RHOQ: variants seen among roughly 807,000 people sequenced by gnomAD.
RHOQ encodes the protein ras homolog family member Q.
Under a neutral mutation model 25.8 loss-of-function variants are expected in RHOQ, and 7 were observed. The observed-to-expected ratio is 0.27, with a 90% confidence interval of 0.15 to 0.51. The LOEUF is 0.51. Ranked by LOEUF, RHOQ falls within the 20% of genes least tolerant of loss-of-function variation. The probability of loss-of-function intolerance (pLI) is 0.97; values close to 1 mark genes in which losing one functional copy is unlikely to be tolerated. For synonymous variants in RHOQ, 97 were observed against 98.6 expected (o/e 0.98, Z 0.10); for missense variants, 165 against 260.6 (o/e 0.63, Z 2.53).
chr2:46,572,117 T>TG (rs2104021393), intron 2 of RHOQ, among the ~76,000 whole-genome samples: 2 of 135,764 alleles, frequency 1.5e-5, no homozygotes, highest in South Asian at 2.5e-4. Context: ...GTTTTTTTTT[T>TG]TTTTTTTTTT....
chr2:46,578,210 T>G (rs1669203533), intron 4 of RHOQ, among the ~76,000 whole-genome samples: 1 of 152,146 alleles, frequency 6.6e-6, no homozygotes, highest in Non-Finnish European at 1.5e-5. Context: ...AATGAGAAAT[T>G]AATTATAATA....
intron 2 of RHOQ, among the ~76,000 whole-genome samples, chr2:46,545,387 A>C (rs1668012917): frequency 6.6e-6 from 1 of 152,142 alleles, no homozygotes; most frequent in Admixed American, 6.5e-5. Context: ...ACTTGTGACC[A>C]TGATAATTTT....
chr2:46,554,443 G>T (rs1306510055), intron 2 of RHOQ, among the ~76,000 whole-genome samples: 1 of 152,162 alleles, frequency 6.6e-6, no homozygotes, highest in Non-Finnish European at 1.5e-5. Context: ...TTTCTCTCCC[G>T]CATATTAAGG....
intron 2 of RHOQ, chr2:46,568,898 A>T (rs1316735385): frequency 6.6e-6 from 1 of 152,258 alleles, no homozygotes; most frequent in Non-Finnish European, 1.5e-5. Context: ...TTCTATCAAC[A>T]TGAAATTTGT....
At chr2:46,544,599 T>C (rs567002078) in intron 2 of RHOQ, among the ~76,000 whole-genome samples, 1 of 152,358 alleles carries the variant, frequency 6.6e-6, no homozygotes, top group Non-Finnish European at 1.5e-5. Flanking sequence ...GGCCAAGGTC[T>C]TCTCTCTGTC....
At chr2:46,563,285 G>A (rs958202312) in intron 2 of RHOQ, among the ~76,000 whole-genome samples, 9 of 152,194 alleles carry the variant, frequency 5.9e-5, no homozygotes, top group African/African-American at 1.9e-4. Context: ...GACAGGTGGT[G>A]AGCTTCTTTG....
intron 4 of RHOQ, among the ~76,000 whole-genome samples, chr2:46,579,235 T>C (rs1445873106): frequency 2.6e-5 from 4 of 152,222 alleles, no homozygotes; most frequent in African/African-American, 4.8e-5. Context: ...TCCCCTCTCA[T>C]TGGACTCTGC....
rs1668414334 is a variant in RHOQ, at chr2:46,556,482, T to C, written c.201+12670T>C. Among the ~76,000 whole-genome samples the C allele has an allele frequency of 9.2e-6, 1 of 109,108 alleles. No homozygotes were observed. The highest frequency in any genetic ancestry group is 2.0e-5 in the Non-Finnish European group (1 of 50,548). 71.6% of individuals were successfully genotyped at this position (109,108 alleles called of 152,430 possible). A position where few individuals can be genotyped will look rare whatever the true frequency, so the allele number is the denominator to read the frequency against. On this transcript the variant is annotated intron_variant, in intron 2 of 4. Coordinates refer to ENST00000238738, the MANE Select transcript of RHOQ (RefSeq NM_012249.4). This position sits in a 1 kb window ranked among gnomAD's most constrained non-coding sequence, Gnocchi z 4.9. ...TGATATTCTTTTTCTTAAAAAATTT[T>C]TTTAATTTTTTTTTTTTTGTTCCTT...
Position 46,569,024 on chromosome 2 carries a change from G to A in RHOQ, c.202-7063G>A, listed in dbSNP as rs554354211. Reference sequence around the variant, plus strand: ...TTAGTGCAAGAGACTTGTAATTATAGCTCCAGACAATATGGAATTTCAGCT... The same window carrying A: ...TTAGTGCAAGAGACTTGTAATTATAACTCCAGACAATATGGAATTTCAGCT... On this transcript the variant is annotated intron_variant, in intron 2 of 4. Transcript: ENST00000238738. The surrounding 1 kb of genome is among the most constrained non-coding windows in gnomAD (Gnocchi z 4.1). 3.3e-5 allele frequency: 5 copies of A among 152,332 alleles called. No homozygotes were observed. Among genetic ancestry groups the A allele is most frequent in the Admixed American group, 2.0e-4 (3 of 15,302 alleles). The allele number at this position is 152,332 out of a possible 1,614,324, so 9.4% of individuals were successfully genotyped here.
At chr2:46,562,775 T>G (rs1464975916) in intron 2 of RHOQ, among the ~76,000 whole-genome samples, 1 of 152,206 alleles carries the variant, frequency 6.6e-6, no homozygotes, top group Non-Finnish European at 1.5e-5. Flanking sequence ...TCTCAGTATT[T>G]TAATAAAATA....
In RHOQ at chr2:46,581,608, T is replaced by A; in HGVS notation, c.*525T>A. The stretch of plus-strand genomic sequence containing the variant: ...GGGCCATACCTGAGGAGAGAATGTA[T>A]GAGATCAAAAAAGAACAAATGTTTT... On this transcript the variant is annotated 3_prime_UTR_variant, in exon 5 of 5. Transcript: ENST00000238738. 1.2e-6 allele frequency: 2 copies of A among 1,607,870 alleles called. No individual in the cohort carries two copies. The highest frequency in any genetic ancestry group is 1.7e-6 in the Non-Finnish European group (2 of 1,177,638).
At chr2:46,571,613 C>A (rs1296450155) in intron 2 of RHOQ, among the ~76,000 whole-genome samples, 1 of 152,168 alleles carries the variant, frequency 6.6e-6, no homozygotes, top group East Asian at 1.9e-4. Context: ...TCACTTGCTC[C>A]AGCTTACACT....
At position 46,558,411 on chromosome 2, in the gene RHOQ, G is replaced by A. The variant is rs113676843; in HGVS notation, c.201+14599G>A. On this transcript the variant is annotated intron_variant, in intron 2 of 4. Transcript: ENST00000238738. ...GAAAATGTTTTTATTCCTTCATACC[G>A]GACTGATACTTTGAAAATAGATTAT... Among the ~76,000 whole-genome samples, 184 of 152,270 alleles carry A rather than the reference G, an allele frequency of 1.2e-3. 1 individual carries two copies. The highest frequency in any genetic ancestry group is 4.0e-3 in the African/African-American group (167 of 41,542).
chr2:46,553,617 A>G (rs186520586), intron 2 of RHOQ, among the ~76,000 whole-genome samples: 2 of 150,910 alleles, frequency 1.3e-5, no homozygotes, highest in Admixed American at 6.6e-5. Flanking sequence ...GTCTCGCTCT[A>G]TCGCCCAGGC....
chr2:46,546,493 TATATATATATATATATATGTATATAC>T (rs1558680523), intron 2 of RHOQ, among the ~76,000 whole-genome samples: 2,219 of 23,254 alleles, frequency 0.095, 286 homozygotes, highest in South Asian at 0.17. Flanking sequence ...TATATATATA[TATATATATATATATATATGTATATAC>T]ATATATATAT....
At chr2:46,577,396 CTTTT>C (rs745605616) in intron 4 of RHOQ, among the ~76,000 whole-genome samples, 1 of 110,152 alleles carries the variant, frequency 9.1e-6, no homozygotes, top group Non-Finnish European at 1.8e-5. Flanking sequence ...CATATATGGT[CTTTT>C]TTTTTTTTTT....
rs1022525969 is a variant in RHOQ at position 46,576,692 on chromosome 2, A to G, written c.462+36A>G. ...ACTCACAGAATTTAAGCATGAATGT[A>G]AAAGATGCTAAGATAACAATAGAAG... On this transcript the variant is annotated intron_variant, in intron 4 of 4. Transcript: ENST00000238738. This position sits in a 1 kb window ranked among gnomAD's most constrained non-coding sequence, Gnocchi z 5.1. 8.9e-6 allele frequency: 12 copies of G among 1,351,786 alleles called. No individual in the cohort carries two copies. In the African/African-American group the frequency reaches 1.5e-4, roughly 16 times the overall value. 83.7% of individuals were successfully genotyped at this position (1,351,786 alleles called of 1,614,324 possible). A position where few individuals can be genotyped will look rare whatever the true frequency, so the allele number is the denominator to read the frequency against.
intron 2 of RHOQ, among the ~76,000 whole-genome samples, chr2:46,561,373 A>G (rs1244962144): frequency 6.6e-6 from 1 of 152,062 alleles, no homozygotes; most frequent in African/African-American, 2.4e-5. Flanking sequence ...AAAAGAGCAC[A>G]GAAAGAGTCA....
rs2103995680 is a variant in RHOQ, at chr2:46,556,297, T to C, written c.201+12485T>C. ...CTTTCCATTTTATTCCTGCCCCCGC[T>C]CTTTTTCAGTTGTTCTTCCATGGCC... is the stretch of plus-strand genomic sequence containing the variant. On this transcript the variant is annotated intron_variant, in intron 2 of 4. Transcript: ENST00000238738. This position sits in a 1 kb window ranked among gnomAD's most constrained non-coding sequence, Gnocchi z 4.9. Among the ~76,000 whole-genome samples, 1 of 152,276 alleles carries C rather than the reference T, an allele frequency of 6.6e-6. No homozygotes were observed. Among genetic ancestry groups the C allele is most frequent in the Non-Finnish European group, 1.5e-5 (1 of 68,024 alleles).
Sources: allele counts gnomAD v4.1 joint callset (sites outside exome capture counted in the v4.1 genomes callset), GRCh38; gene constraint gnomAD v4.1.1; non-coding constraint Gnocchi (gnomAD v3.1); transcripts MANE v1.5; gene names NCBI Gene and HGNC (gene_info 2026-07-23, HGNC 2026-07-21).